The following ERC2 variants were observed in gnomAD, a reference collection of about 807,000 sequenced individuals.
The protein encoded by ERC2 is ERC protein 2.
A neutral mutation model predicts 114.8 loss-of-function variants in ERC2; 42 were observed. That is an observed-to-expected ratio of 0.37 (90% CI 0.29 to 0.47). ERC2 has a LOEUF of 0.47. ERC2 is among the 20% of genes least tolerant of loss of function. The probability of loss-of-function intolerance (pLI) is 0.99; values close to 1 mark genes in which losing one functional copy is unlikely to be tolerated. For synonymous variants in ERC2, 454 were observed against 425.5 expected, an observed-to-expected ratio of 1.07 and a Z score of -0.82; for missense variants, 939 against 1,150.7, an observed-to-expected ratio of 0.82 and a Z score of 2.66.
At chr3:56,118,094 A>T (rs1413344080) in intron 6 of ERC2, among the ~76,000 whole-genome samples, 1 of 152,176 alleles carries the variant, frequency 6.6e-6, no homozygotes, top group Non-Finnish European at 1.5e-5. Flanking sequence ...TTGGCATTAG[A>T]CTGGCTGGAG....
Position 56,144,378 on chromosome 3 carries a change from AG to A in ERC2, c.1305+4598del, listed in dbSNP as rs533932564. Among the ~76,000 whole-genome samples, 18 of 152,342 alleles carry A rather than the reference AG, an allele frequency of 1.2e-4. No homozygotes were observed. The South Asian group carries it at 3.3e-3, about 28-fold the overall frequency. On this transcript the variant is annotated intron_variant, in intron 5 of 17. Coordinates refer to ENST00000288221, the MANE Select transcript of ERC2 (RefSeq NM_015576.3). ...ATCTGTTATGATCAACACTCTTCTC[AG>A]GGGGGTATGGCCCCAAATTATATCC...
Position 56,306,684 on chromosome 3 carries a change from T to C in ERC2, c.658-10249A>G, listed in dbSNP as rs568626055. On this transcript the variant is annotated intron_variant, in intron 2 of 17. Coordinates refer to ENST00000288221, the MANE Select transcript of ERC2 (RefSeq NM_015576.3). ...TTATATACCATAATTTACATACGTG[T>C]TCTTTTGTACCTATCCAACAGCATA... Among the ~76,000 whole-genome samples the C allele has an allele frequency of 2.0e-5, 3 of 152,278 alleles. 1 individual carries two copies. The South Asian group carries it at 6.2e-4, about 32-fold the overall frequency.
intron 14 of ERC2, among the ~76,000 whole-genome samples, chr3:55,868,493 G>T (rs983048630): frequency 6.6e-6 from 1 of 152,198 alleles, no homozygotes; most frequent in Non-Finnish European, 1.5e-5. Context: ...ACAAGAAAAA[G>T]AACAAAGACA....
intron 2 of ERC2, among the ~76,000 whole-genome samples, chr3:56,420,529 T>C (rs902861323): frequency 4.6e-5 from 7 of 151,982 alleles, no homozygotes; most frequent in African/African-American, 1.2e-4. Flanking sequence ...TCTAAAAGTT[T>C]ACAGATCCTA....
chr3:55,646,442 T>C (rs1275278696), intron 17 of ERC2, among the ~76,000 whole-genome samples: 1 of 152,244 alleles, frequency 6.6e-6, no homozygotes, highest in Non-Finnish European at 1.5e-5. Context: ...CTTGTGTTAC[T>C]TCCCAAGAAA....
At chr3:56,176,638 C>T (rs2150032800) in intron 3 of ERC2, among the ~76,000 whole-genome samples, 1 of 152,252 alleles carries the variant, frequency 6.6e-6, no homozygotes. Flanking sequence ...GATTCTGAGG[C>T]TCATCTTGAT....
intron 6 of ERC2, among the ~76,000 whole-genome samples, chr3:56,082,999 T>C (rs888702540): frequency 2.6e-5 from 4 of 152,184 alleles, no homozygotes; most frequent in African/African-American, 9.7e-5. Context: ...CCTCTTCGTC[T>C]GTGGAAAAAC....
At chr3:55,859,835 A>G (rs186405892) in intron 14 of ERC2, among the ~76,000 whole-genome samples, 30 of 152,130 alleles carry the variant, frequency 2.0e-4, no homozygotes, top group Admixed American at 1.8e-3. Flanking sequence ...GAAGATCTTT[A>G]GTACAGACAG....
At chr3:55,926,227 TA>T (rs1158791814) in intron 13 of ERC2, among the ~76,000 whole-genome samples, 1 of 151,988 alleles carries the variant, frequency 6.6e-6, no homozygotes, top group Admixed American at 6.6e-5. Context: ...TAACTAAATT[TA>T]AAAAGACATG....
At chr3:56,223,563 T>C (rs2050063703) in intron 3 of ERC2, among the ~76,000 whole-genome samples, 1 of 151,686 alleles carries the variant, frequency 6.6e-6, no homozygotes, top group Admixed American at 6.6e-5. Flanking sequence ...TAAGTCTAGT[T>C]GACTTAGCAG....
In ERC2 at chr3:55,814,011, A is replaced by G. The variant is rs137938616; in HGVS notation, c.2564+74378T>C. On this transcript the variant is annotated intron_variant, in intron 14 of 17. Coordinates refer to ENST00000288221, the MANE Select transcript of ERC2 (RefSeq NM_015576.3). ...CAGGATCTACATGGCCAAAAGGAAAAGATTCCAGGGATGAAGTAAGATATG... is the reference window on the plus strand; with the variant it reads ...CAGGATCTACATGGCCAAAAGGAAAGGATTCCAGGGATGAAGTAAGATATG... Among the ~76,000 whole-genome samples the G allele has an allele frequency of 4.4e-3, 677 of 152,358 alleles. 2 individuals are homozygous for G. The highest frequency in any genetic ancestry group is 0.015 in the African/African-American group (643 of 41,580).
chr3:55,739,363 T>G (rs1288861186), intron 14 of ERC2, among the ~76,000 whole-genome samples: 2 of 152,220 alleles, frequency 1.3e-5, no homozygotes, highest in Admixed American at 1.3e-4. Flanking sequence ...TGAACTAATT[T>G]ACACTCCCAC....
intron 14 of ERC2, among the ~76,000 whole-genome samples, chr3:55,780,624 T>A (rs914875713): frequency 5.3e-5 from 8 of 152,242 alleles, no homozygotes; most frequent in Non-Finnish European, 1.0e-4. Flanking sequence ...TTACTGAGTA[T>A]GTCACATATG....
chr3:55,631,219 A>G (rs963144895), intron 17 of ERC2, among the ~76,000 whole-genome samples: 8 of 152,200 alleles, frequency 5.3e-5, no homozygotes, highest in African/African-American at 1.9e-4. Flanking sequence ...ATTAAGACTC[A>G]ATGAATGTTT....
chr3:55,753,246 T>C (rs2066832268), intron 14 of ERC2, among the ~76,000 whole-genome samples: 1 of 152,072 alleles, frequency 6.6e-6, no homozygotes, highest in African/African-American at 2.4e-5. Flanking sequence ...CCACTGCCAA[T>C]ACTATAAGGC....
chr3:55,920,424 A>ACACACT (rs1484977814), intron 13 of ERC2, among the ~76,000 whole-genome samples: 4 of 113,936 alleles, frequency 3.5e-5, no homozygotes, highest in African/African-American at 1.2e-4. Context: ...AAACACACAC[A>ACACACT]CACACACACA....
chr3:55,557,388 A>G (rs771363866), intron 17 of ERC2, among the ~76,000 whole-genome samples: 2 of 152,216 alleles, frequency 1.3e-5, no homozygotes, highest in Non-Finnish European at 2.9e-5. Context: ...CCTTCCTCTC[A>G]GGGAACCTCA....
intron 2 of ERC2, among the ~76,000 whole-genome samples, chr3:56,393,442 A>T (rs1191867686): frequency 2.6e-5 from 4 of 152,146 alleles, no homozygotes; most frequent in African/African-American, 9.7e-5. Context: ...GGAAGCCTTC[A>T]CTGTATCCTA....
At chr3:55,884,909 T>A (rs892528273) in intron 14 of ERC2, among the ~76,000 whole-genome samples, 1 of 152,076 alleles carries the variant, frequency 6.6e-6, no homozygotes, top group Non-Finnish European at 1.5e-5. Context: ...AAAAATCTTA[T>A]CCCTACAAGA....
Sources: allele counts gnomAD v4.1 joint callset (sites outside exome capture counted in the v4.1 genomes callset), GRCh38; gene constraint gnomAD v4.1.1; transcripts MANE v1.5; gene names NCBI Gene and HGNC (gene_info 2026-07-23, HGNC 2026-07-21).